MPND: variants seen among roughly 807,000 people sequenced by gnomAD.
MPND encodes the protein MPN domain containing.
MPND carries 56 observed loss-of-function variants against 59.2 expected under a neutral mutation model. That is an observed-to-expected ratio of 0.95 (90% CI 0.76 to 1.18). The LOEUF (loss-of-function observed/expected upper bound fraction) is 1.18. Among genes scored for constraint, MPND ranks in the 50% most tolerant of loss-of-function variants. The probability of loss-of-function intolerance (pLI) is 0.00; values close to 1 mark genes in which losing one functional copy is unlikely to be tolerated. For missense variants in MPND, 671 were observed against 676.0 expected (o/e 0.99, Z 0.08); for synonymous variants, 323 against 291.9 (o/e 1.11, Z -1.09).
At chr19:4,355,744 C>T (rs1280833153) in intron 8 of MPND, among the ~76,000 whole-genome samples, 2 of 151,524 alleles carry the variant, frequency 1.3e-5, no homozygotes, top group Non-Finnish European at 2.9e-5. Flanking sequence ...GTTGGGATTA[C>T]AGGGGTGAGC....
At position 4,343,834 on chromosome 19, in the gene MPND, G is replaced by T; in HGVS notation, c.134G>T (p.Gly45Val). The change falls in exon 2 of 13, where the codon GGC (glycine) becomes GTC (valine). Residue 45 changes from glycine (G) to valine (V), a missense_variant. Gly to Val is a moderately radical substitution (Grantham distance 109, BLOSUM62 -3). Coordinates refer to ENST00000599840, the MANE Select transcript of MPND (RefSeq NM_001300862.2). Reference sequence around the variant, plus strand: ...GCGGGCGGTGGACGCAGTGGCGGCGGCGGCAGTAGCGTCAGCGGAGGAGGC... The same window carrying T: ...GCGGGCGGTGGACGCAGTGGCGGCGTCGGCAGTAGCGTCAGCGGAGGAGGC... ...AGAGGGRSGG[G>V]GSSVSGGGGG... is the part of the protein sequence containing the mutation. The T allele has an allele frequency of 8.3e-7, 1 of 1,208,350 alleles. No individual in the cohort carries two copies. The highest frequency in any genetic ancestry group is 1.0e-6 in the Non-Finnish European group (1 of 974,304). The allele number at this position is 1,208,350 out of a possible 1,614,324, so 74.9% of individuals were successfully genotyped here.
At chr19:4,359,125 G>T in intron 11 of MPND, 38 bp from the exon 12 acceptor site, 1 of 1,479,478 alleles carries the variant, frequency 6.8e-7, no homozygotes, top group Non-Finnish European at 9.4e-7. Context: ...CCTCAGGCTT[G>T]GAGGGAGCCT....
rs550864701 is a variant in MPND at position 4,357,160 on chromosome 19, C to G, written c.997-93C>G. 7.4e-5 allele frequency: 103 copies of G among 1,392,388 alleles called. No homozygotes were observed. In the African/African-American group the frequency reaches 1.4e-3, roughly 19 times the overall value. 86.3% of individuals were successfully genotyped at this position (1,392,388 alleles called of 1,614,324 possible). On this transcript the variant is annotated intron_variant, in intron 8 of 12. Coordinates refer to ENST00000599840, the MANE Select transcript of MPND (RefSeq NM_001300862.2). ...CATCACTGTGTCCCCAGGCCTGATA[C>G]ACAGCAGGAATTCGTTCAGGGCTGG...
At chr19:4,350,973 G>A (rs780224376) in intron 3 of MPND, among the ~76,000 whole-genome samples, 36 of 152,112 alleles carry the variant, frequency 2.4e-4, no homozygotes, top group Non-Finnish European at 4.6e-4. Flanking sequence ...TGTGAGGACC[G>A]TGTCCTGGTA....
intron 3 of MPND, among the ~76,000 whole-genome samples, chr19:4,351,601 G>A (rs73539222): frequency 0.42 from 63,834 of 150,226 alleles, 13,659 homozygotes; most frequent in South Asian, 0.46. Flanking sequence ...GGTGGCTCAC[G>A]CCTTTAATCC....
rs747937769 is a variant in MPND at position 4,343,917 on chromosome 19, C to G, written c.217C>G (p.Arg73Gly). 1.5e-6 allele frequency: 2 copies of G among 1,297,698 alleles called. No homozygotes were observed. The highest frequency in any genetic ancestry group is 2.0e-6 in the Non-Finnish European group (2 of 1,024,878). 80.4% of individuals were successfully genotyped at this position (1,297,698 alleles called of 1,614,324 possible). ...CGGGCCCGGGGGCGCGCTCACCAGG[C>G]GCGCGGTCACACTGCGGGTGCTCCT... ...CGGPGGALTRRAVTLRVLLKD... is the reference protein window; with the variant it reads ...CGGPGGALTRGAVTLRVLLKD... Residue 73 changes from arginine (R) to glycine (G), a missense_variant, in exon 2 of 13, where the codon CGC becomes GGC. Physicochemically the swap from Arg to Gly is moderately radical, Grantham distance 125 (BLOSUM62 -2). Transcript: ENST00000599840.
At chr19:4,356,573 A>C (rs1006154368) in intron 8 of MPND, 2 of 152,090 alleles carry the variant, frequency 1.3e-5, no homozygotes, top group African/African-American at 4.8e-5. Context: ...AGGGCTGCTA[A>C]TATTGAATGC....
chr19:4,357,879 C>G, intron 10 of MPND: 1 of 609,672 alleles, frequency 1.6e-6, no homozygotes, highest in Non-Finnish European at 2.9e-6. Context: ...GAAGTCATTT[C>G]AGGGCCCTGG....
At chr19:4,355,335 G>T (rs968289783) in intron 8 of MPND, among the ~76,000 whole-genome samples, 162 bp downstream of exon 8, 4 of 84,190 alleles carry the variant, frequency 4.8e-5, no homozygotes, top group South Asian at 3.9e-4. Context: ...GAAGAACACT[G>T]CTTTTTTTTT....
intron 4 of MPND, chr19:4,353,800 C>T: frequency 4.4e-6 from 2 of 456,234 alleles, no homozygotes; most frequent in Non-Finnish European, 7.9e-6. Flanking sequence ...TGGACTTGAG[C>T]AATCCTCTCA....
At chr19:4,354,600 C>A (rs372082024) in intron 6 of MPND, 180 bp downstream of exon 6, 96 of 628,642 alleles carry the variant, frequency 1.5e-4, no homozygotes, top group East Asian at 1.4e-3. Flanking sequence ...GGCCCAGTGG[C>A]TCACACCTAT....
Position 4,358,143 on chromosome 19 carries a change from T to G in MPND, c.1297T>G (p.Phe433Val). Residue 433 changes from phenylalanine to valine, a missense_variant, in exon 11 of 13, where the codon TTC becomes GTC. Physicochemically the swap from Phe to Val is conservative, Grantham distance 50. Transcript: ENST00000599840. ...GGAGATGGCCTACGTCCAGGACAGC[T>G]TCCTGACCAATGACATCCTTCACGA... The part of the protein sequence containing the change: ...DVEMAYVQDS[F>V]LTNDILHEMM... 1 of 1,551,454 alleles carries G rather than the reference T, an allele frequency of 6.4e-7. No individual in the cohort carries two copies. The highest frequency in any genetic ancestry group is 8.7e-7 in the Non-Finnish European group (1 of 1,146,956).
intron 8 of MPND, among the ~76,000 whole-genome samples, chr19:4,355,705 G>A (rs759164272): frequency 9.2e-5 from 14 of 151,436 alleles, no homozygotes; most frequent in Middle Eastern, 3.2e-3. Context: ...TCTTTACCTC[G>A]TGATCCGCCC....
intron 5 of MPND, 24 bp from the exon 6 acceptor site, chr19:4,354,300 G>A (rs1237353157): frequency 1.3e-6 from 2 of 1,548,270 alleles, no homozygotes. Flanking sequence ...TCCTGAGACT[G>A]TGCGACCCTC....
intron 4 of MPND, among the ~76,000 whole-genome samples, chr19:4,353,337 G>A (rs967614189): frequency 2.6e-5 from 4 of 151,844 alleles, no homozygotes; most frequent in African/African-American, 9.7e-5. Context: ...GCTCAATCTC[G>A]GCTCACTGCA....
chr19:4,359,049 T>G, intron 11 of MPND, 114 bp from the exon 12 acceptor site: 10 of 667,862 alleles, frequency 1.5e-5, no homozygotes, highest in East Asian at 2.7e-5. Context: ...TGTGGTTGGT[T>G]TGTTAGTGAT....
intron 12 of MPND, among the ~76,000 whole-genome samples, chr19:4,359,545 G>C (rs1005571130): frequency 1.1e-4 from 17 of 152,268 alleles, no homozygotes; most frequent in Non-Finnish European, 1.6e-4. Context: ...AGTGTCTTAG[G>C]GTAGTGGTTC....
rs200906141 is a variant in MPND, at chr19:4,355,070, C to T, written c.920-27C>T. 4.9e-4 allele frequency: 796 copies of T among 1,613,216 alleles called. 7 individuals are homozygous for T. Among genetic ancestry groups the T allele is most frequent in the Non-Finnish European group, 1.3e-4 (148 of 1,179,642 alleles). ...CGGGGGCGTTGGAGGACCGGGGTCA[C>T]GGGGTCACAGCTGCCCCTCCCCACA... On this transcript the variant is annotated intron_variant, in intron 7 of 12. Transcript: ENST00000599840.
intron 3 of MPND, among the ~76,000 whole-genome samples, chr19:4,349,317 C>T (rs1972261306): frequency 6.6e-6 from 1 of 152,120 alleles, no homozygotes; most frequent in Non-Finnish European, 1.5e-5. Context: ...CTCAAGTGAT[C>T]CACTCGCTTC....
Sources: gnomAD v4.1 joint callset for allele counts (sites outside exome capture counted in the v4.1 genomes callset) on GRCh38, gnomAD v4.1.1 for gene constraint, MANE v1.5 for transcripts, NCBI Gene and HGNC (gene_info 2026-07-23, HGNC 2026-07-21) for gene names.